Variants in EXOC2 observed in about 807,000 individuals in gnomAD.
EXOC2 encodes SEC5-like 1.
A neutral mutation model predicts 131.8 loss-of-function variants in EXOC2; 70 were observed. That is an observed-to-expected ratio of 0.53 (90% CI 0.44 to 0.65). EXOC2 has a LOEUF of 0.65. Among genes scored for constraint, EXOC2 ranks in the 30% least tolerant of loss-of-function variants. The probability of loss-of-function intolerance (pLI) is 0.00; values close to 1 mark genes in which losing one functional copy is unlikely to be tolerated. For missense variants in EXOC2, 923 were observed against 1,108.6 expected (o/e 0.83, Z 2.38); for synonymous variants, 411 against 398.4 (o/e 1.03, Z -0.38).
chr6:608,229 G>C (rs1000739202), intron 7 of EXOC2, among the ~76,000 whole-genome samples: 3 of 152,226 alleles, frequency 2.0e-5, no homozygotes, highest in African/African-American at 7.2e-5. Flanking sequence ...CGCCTGGGCG[G>C]GACTCTCTCG....
At chr6:488,939 C>T in intron 27 of EXOC2, 40 bp downstream of exon 27, 1 of 1,584,566 alleles carries the variant, frequency 6.3e-7, no homozygotes, top group South Asian at 1.1e-5. Context: ...CCTTGTTGAG[C>T]ACATTCAACT....
intron 23 of EXOC2, among the ~76,000 whole-genome samples, chr6:514,851 C>T (rs758270686): frequency 1.4e-4 from 21 of 152,110 alleles, no homozygotes; most frequent in Non-Finnish European, 2.5e-4. Flanking sequence ...AGGGCGGAGT[C>T]GGAGGGGAGC....
rs1170685484 is a variant in EXOC2 at position 581,295 on chromosome 6, C to CA, written c.1193-4414dup. Among the ~76,000 whole-genome samples, 202 of 71,800 alleles carry CA rather than the reference C, an allele frequency of 2.8e-3. 1 individual carries two copies. Among genetic ancestry groups the CA allele is most frequent in the South Asian group, 0.023 (48 of 2,098 alleles). The allele number at this position is 71,800 out of a possible 152,430, so 47.1% of individuals were successfully genotyped here. On this transcript the variant is annotated intron_variant, in intron 11 of 27. Coordinates refer to ENST00000230449, the MANE Select transcript of EXOC2 (RefSeq NM_018303.6). ...TGGGAGACAGAGCGAGACTCTGTCT[C>CA]AAAAAAAAAAAAAAAAAGTAACAGT...
intron 15 of EXOC2, 111 bp downstream of exon 15, chr6:564,434 G>C: frequency 6.9e-7 from 1 of 1,442,438 alleles, no homozygotes; most frequent in Non-Finnish European, 9.5e-7. Context: ...GGAGGCAAAA[G>C]GACAAAAAGA....
intron 23 of EXOC2, among the ~76,000 whole-genome samples, chr6:500,562 T>C (rs1358959955): frequency 1.3e-5 from 2 of 152,182 alleles, no homozygotes; most frequent in Non-Finnish European, 2.9e-5. Context: ...GGGGGATGCA[T>C]GCCATAGGTC....
chr6:564,968 T>C (rs1294390303), intron 13 of EXOC2, 39 bp from the exon 14 acceptor site: 2 of 1,502,590 alleles, frequency 1.3e-6, no homozygotes, highest in East Asian at 2.5e-5. Context: ...ATATTAGAAA[T>C]AATTTAAAAA....
chr6:556,094 A>C, intron 18 of EXOC2, 81 bp from the exon 19 acceptor site: 1 of 1,297,744 alleles, frequency 7.7e-7, no homozygotes, highest in South Asian at 1.2e-5. Flanking sequence ...ATGAACAGTT[A>C]AAACGTGGAA....
At chr6:685,853 C>T (rs1231881925) in intron 1 of EXOC2, among the ~76,000 whole-genome samples, 2 of 144,552 alleles carry the variant, frequency 1.4e-5, no homozygotes, top group Non-Finnish European at 3.1e-5. Context: ...GTAATGTATC[C>T]TGCTTTCCTG....
At chr6:656,708 G>C in intron 1 of EXOC2, 1 of 1,603,484 alleles carries the variant, frequency 6.2e-7, no homozygotes, top group Non-Finnish European at 8.5e-7. Context: ...TCAGCTCCAG[G>C]TGGATCTCAT....
chr6:547,304 G>GT (rs946901221), intron 22 of EXOC2, among the ~76,000 whole-genome samples: 2 of 152,188 alleles, frequency 1.3e-5, no homozygotes, highest in African/African-American at 4.8e-5. Context: ...CTTTCCTGGC[G>GT]TAAGTACCAG....
At chr6:630,598 T>C (rs1761796831) in intron 3 of EXOC2, among the ~76,000 whole-genome samples, 2 of 152,228 alleles carry the variant, frequency 1.3e-5, no homozygotes, top group South Asian at 4.1e-4. Context: ...AAACCAAATG[T>C]TTTTTAAATG....
At chr6:599,415 T>C (rs1760002922) in intron 7 of EXOC2, among the ~76,000 whole-genome samples, 190 bp from the exon 8 acceptor site, 1 of 152,230 alleles carries the variant, frequency 6.6e-6, no homozygotes, top group African/African-American at 2.4e-5. Flanking sequence ...AGTCTTTTCA[T>C]ATGTTAAGAA....
intron 23 of EXOC2, among the ~76,000 whole-genome samples, chr6:518,559 TA>T (rs1765289704): frequency 6.6e-6 from 1 of 152,224 alleles, no homozygotes; most frequent in African/African-American, 2.4e-5. Flanking sequence ...TTGAAGTTAA[TA>T]AATTTCACAT....
intron 6 of EXOC2, among the ~76,000 whole-genome samples, chr6:616,871 G>C (rs893820074): frequency 2.0e-5 from 3 of 151,688 alleles, no homozygotes; most frequent in African/African-American, 7.3e-5. Flanking sequence ...GCCTCCCAAG[G>C]AGCTAGGACT....
intron 1 of EXOC2, chr6:656,189 GCACAGGGC>G: frequency 6.2e-7 from 1 of 1,614,152 alleles, no homozygotes. Context: ...CCCAAATATT[GCACAGGGC>G]CGTCGTAGGA....
At chr6:507,338 C>A (rs1180794076) in intron 23 of EXOC2, among the ~76,000 whole-genome samples, 1 of 54,034 alleles carries the variant, frequency 1.9e-5, no homozygotes, top group East Asian at 2.2e-3. Flanking sequence ...ACCCCCCCCA[C>A]ACACACCACA....
chr6:509,386 A>G (rs1159462011), intron 23 of EXOC2, among the ~76,000 whole-genome samples: 1 of 152,178 alleles, frequency 6.6e-6, no homozygotes, highest in East Asian at 1.9e-4. Flanking sequence ...CTGCCAACCT[A>G]TCATGCAAAA....
intron 1 of EXOC2, among the ~76,000 whole-genome samples, chr6:640,936 T>C (rs1561959718): frequency 6.6e-6 from 1 of 151,238 alleles, no homozygotes; most frequent in Non-Finnish European, 1.5e-5. Context: ...CAAATTAATA[T>C]CGAGAGAAAT....
chr6:507,136 ATACACACACACACAC>A (rs1346560913), intron 23 of EXOC2, among the ~76,000 whole-genome samples: 4 of 88,040 alleles, frequency 4.5e-5, no homozygotes, highest in Non-Finnish European at 6.7e-5. Flanking sequence ...ACACACACAC[ATACACACACACACAC>A]AAGAAGTGAC....
Sources: gnomAD v4.1 joint callset for allele counts (sites outside exome capture counted in the v4.1 genomes callset) on GRCh38, gnomAD v4.1.1 for gene constraint, MANE v1.5 for transcripts, NCBI Gene and HGNC (gene_info 2026-07-23, HGNC 2026-07-21) for gene names.